The following FGF14 variants were observed in gnomAD, a reference collection of about 807,000 sequenced individuals.
FGF14 encodes fibroblast growth factor homologous factor 4.
In FGF14, 5 loss-of-function variants were observed where a neutral mutation model predicts 25.5. The observed-to-expected ratio is 0.20, with a 90% confidence interval of 0.10 to 0.41. FGF14 has a LOEUF of 0.41. Ranked by LOEUF, FGF14 falls within the 10% of genes least tolerant of loss-of-function variation. The probability of loss-of-function intolerance (pLI) is 1.00; values close to 1 mark genes in which losing one functional copy is unlikely to be tolerated. For synonymous variants in FGF14, 138 were observed against 118.3 expected (o/e 1.17, Z -1.08); for missense variants, 222 against 320.1 (o/e 0.69, Z 2.34).
At chr13:102,232,025 A>C (rs1198850744) in intron 1 of FGF14, among the ~76,000 whole-genome samples, 1 of 152,210 alleles carries the variant, frequency 6.6e-6, no homozygotes, top group African/African-American at 2.4e-5. Context: ...TGGTTTATGT[A>C]GGGATTTTAT....
At position 102,277,094 on chromosome 13, in the gene FGF14, A is replaced by G. The variant is rs1477116618; in HGVS notation, c.208+124377T>C. 4.5e-4 allele frequency among the ~76,000 whole-genome samples: 68 copies of G among 152,236 alleles called. 1 individual carries two copies. Among genetic ancestry groups the G allele is most frequent in the Admixed American group, 4.4e-3 (68 of 15,284 alleles). The stretch of plus-strand genomic sequence containing the variant: ...AATATTTTGTAGATTAATTTTATCA[A>G]CTGCCACATTACTAGAATATGGCCA... On this transcript the variant is annotated intron_variant, in intron 1 of 4. Transcript: ENST00000376131.
chr13:101,855,109 C>T (rs899872024), intron 3 of FGF14, among the ~76,000 whole-genome samples: 1 of 151,990 alleles, frequency 6.6e-6, no homozygotes, highest in Non-Finnish European at 1.5e-5. Context: ...AGTGGTATCA[C>T]ACCCACGCAT....
intron 1 of FGF14, among the ~76,000 whole-genome samples, chr13:102,155,083 T>A (rs1195467402): frequency 1.3e-5 from 2 of 152,198 alleles, no homozygotes; most frequent in East Asian, 3.8e-4. Flanking sequence ...AACACCCCAC[T>A]GTCAACATTA....
intron 1 of FGF14, among the ~76,000 whole-genome samples, chr13:101,995,197 TTTG>T (rs1436755657): frequency 6.6e-6 from 1 of 152,122 alleles, no homozygotes; most frequent in Non-Finnish European, 1.5e-5. Flanking sequence ...AAGTCTCATT[TTTG>T]TTGTTGTTTT....
intron 3 of FGF14, among the ~76,000 whole-genome samples, chr13:101,753,249 C>CAT (rs1421277661): frequency 6.6e-6 from 1 of 151,304 alleles, no homozygotes; most frequent in Non-Finnish European, 1.5e-5. Context: ...TACCACATTC[C>CAT]ATATATTATA....
chr13:102,221,124 A>G (rs1245596910), intron 1 of FGF14, among the ~76,000 whole-genome samples: 1 of 152,186 alleles, frequency 6.6e-6, no homozygotes, highest in Non-Finnish European at 1.5e-5. Context: ...TCAATGTTCA[A>G]CTAACTCTAG....
chr13:101,921,422 C>T (rs182408751), upstream of FGF14, among the ~76,000 whole-genome samples: 42 of 152,308 alleles, frequency 2.8e-4, no homozygotes, highest in Admixed American at 1.9e-3. Flanking sequence ...TTCCAATCCT[C>T]GCCACTTCTG....
At chr13:102,119,245 T>C (rs1179498691) in intron 1 of FGF14, among the ~76,000 whole-genome samples, 6 of 152,114 alleles carry the variant, frequency 3.9e-5, no homozygotes, top group East Asian at 3.8e-4. Flanking sequence ...AGAAACAAAC[T>C]AGCCAATACT....
chr13:102,233,735 C>A (rs373733312), intron 1 of FGF14, among the ~76,000 whole-genome samples: 4 of 152,152 alleles, frequency 2.6e-5, no homozygotes, highest in African/African-American at 4.8e-5. Flanking sequence ...AAAACCCAGC[C>A]ACTGTTCCAG....
intron 1 of FGF14, among the ~76,000 whole-genome samples, chr13:101,971,944 G>A (rs552016448): frequency 1.3e-5 from 2 of 152,324 alleles, no homozygotes; most frequent in South Asian, 2.1e-4. Flanking sequence ...CCACCACTGC[G>A]CTTGCCATGG....
rs1566431059 is a variant in FGF14, at chr13:101,916,563, C to T, written c.83G>A (p.Arg28Lys). ...EQHWDRPSAS[R>K]RRSSPSKNRG... ...GTTCTTGCTGGGGCTGCTCCGCCTC[C>T]TGCTGGCAGACGGCCGGTCCCAGTG... is the stretch of plus-strand genomic sequence containing the variant. Residue 28 changes from arginine to lysine, a missense_variant, in exon 1 of 5, where the codon AGG becomes AAG. By Grantham distance (26) the Arg-to-Lys change is conservative. This residue lies in a region of FGF14 where 80 missense variants were observed against 72.2 expected (regional missense o/e 1.11). Coordinates refer to ENST00000376143, the MANE Select transcript of FGF14 (RefSeq NM_004115.4). 3.7e-6 allele frequency: 6 copies of T among 1,612,478 alleles called. No homozygotes were observed. Among genetic ancestry groups the T allele is most frequent in the Non-Finnish European group, 5.1e-6 (6 of 1,179,562 alleles).
intron 1 of FGF14, among the ~76,000 whole-genome samples, chr13:102,045,271 TG>T (rs1226490807): frequency 1.3e-5 from 2 of 150,446 alleles, no homozygotes; most frequent in Non-Finnish European, 3.0e-5. Context: ...GCTATGCAGA[TG>T]GAAAAAAAAA....
chr13:102,129,807 A>G (rs1185653836), intron 1 of FGF14, among the ~76,000 whole-genome samples: 1 of 152,172 alleles, frequency 6.6e-6, no homozygotes, highest in Non-Finnish European at 1.5e-5. Context: ...TGCACATTGT[A>G]CACATGTACC....
intron 1 of FGF14, among the ~76,000 whole-genome samples, chr13:102,069,070 C>G (rs1340936534): frequency 6.7e-6 from 1 of 149,338 alleles, no homozygotes; most frequent in Non-Finnish European, 1.5e-5. Context: ...GGTGGGGCCT[C>G]CGAGAACCTT....
chr13:101,919,906 G>A (rs571343524), upstream of FGF14, among the ~76,000 whole-genome samples: 134 of 152,286 alleles, frequency 8.8e-4, 1 homozygote, highest in African/African-American at 3.0e-3. Context: ...GGACTCCGGA[G>A]TCTCCGGGCA....
chr13:101,821,059 C>T (rs999722813), intron 3 of FGF14, among the ~76,000 whole-genome samples: 6 of 148,822 alleles, frequency 4.0e-5, no homozygotes, highest in African/African-American at 7.3e-5. Flanking sequence ...CGCCATTCTC[C>T]TGCCTCAGCC....
intron 1 of FGF14, among the ~76,000 whole-genome samples, chr13:102,025,851 G>A (rs905429992): frequency 2.6e-5 from 4 of 151,928 alleles, no homozygotes; most frequent in Admixed American, 2.0e-4. Flanking sequence ...TGAGCTTGTA[G>A]CCTGTAATAT....
At chr13:102,390,058 G>A (rs185604397) in intron 1 of FGF14, among the ~76,000 whole-genome samples, 16 of 152,192 alleles carry the variant, frequency 1.1e-4, no homozygotes, top group East Asian at 5.8e-4. Context: ...GTCATATCCC[G>A]GAAACAATAT....
intron 1 of FGF14, among the ~76,000 whole-genome samples, chr13:102,275,117 C>G (rs557240349): frequency 3.2e-4 from 48 of 152,008 alleles, no homozygotes; most frequent in African/African-American, 1.1e-3. Flanking sequence ...AAATTATGTC[C>G]TATCTTCATA....
Sources: allele counts gnomAD v4.1 joint callset (sites outside exome capture counted in the v4.1 genomes callset), GRCh38; gene constraint gnomAD v4.1.1; regional missense constraint gnomAD v4.1.1; transcripts MANE v1.5; gene names NCBI Gene and HGNC (gene_info 2026-07-23, HGNC 2026-07-21).